ATAD2B: variants seen among roughly 807,000 people sequenced by gnomAD.
ATAD2B encodes ATPase family AAA domain containing 2B.
Under a neutral mutation model 167.6 loss-of-function variants are expected in ATAD2B, and 40 were observed. That is an observed-to-expected ratio of 0.24 (90% CI 0.19 to 0.31). The LOEUF (loss-of-function observed/expected upper bound fraction) is 0.31, where lower values mean the gene tolerates loss of function less well. ATAD2B is among the 10% of genes least tolerant of loss of function. ATAD2B has a pLI of 1.00. For missense variants in ATAD2B, 1,242 were observed against 1,757.2 expected (o/e 0.71, Z 5.24); for synonymous variants, 579 against 596.5 (o/e 0.97, Z 0.43).
intron 19 of ATAD2B, among the ~76,000 whole-genome samples, chr2:23,791,849 C>T (rs1681784742): frequency 6.6e-6 from 1 of 152,128 alleles, no homozygotes; most frequent in South Asian, 2.1e-4. Flanking sequence ...CATGGGTGTG[C>T]AAATACCTGT....
intron 3 of ATAD2B, 89 bp downstream of exon 3, chr2:23,888,261 A>G (rs889267051): frequency 2.2e-6 from 2 of 926,650 alleles, no homozygotes; most frequent in Non-Finnish European, 1.7e-6. Context: ...TCAGCACACT[A>G]TTAAATCACT....
intron 1 of ATAD2B, among the ~76,000 whole-genome samples, chr2:23,925,471 C>T (rs908781728): frequency 7.9e-5 from 12 of 152,132 alleles, no homozygotes; most frequent in African/African-American, 2.9e-4. Context: ...ATATTGCTTT[C>T]CCCCAATAAG....
chr2:23,680,641 C>T, the ATAD2B span, among the ~76,000 whole-genome samples: 3 of 151,988 alleles, frequency 2.0e-5, no homozygotes, highest in African/African-American at 4.8e-5. This position sits in a 1 kb window ranked among gnomAD's most constrained non-coding sequence, Gnocchi z 4.1. Flanking sequence ...GCCATCTTCT[C>T]CTGGGGTCTC....
intron 12 of ATAD2B, among the ~76,000 whole-genome samples, chr2:23,860,530 TTACTCAAA>T (rs1341286236): frequency 6.6e-6 from 1 of 152,202 alleles, no homozygotes; most frequent in African/African-American, 2.4e-5. Context: ...ATCATATAAT[TTACTCAAA>T]TTTATGTAGC....
chr2:23,903,517 A>T (rs1201867763), intron 1 of ATAD2B, among the ~76,000 whole-genome samples: 1 of 152,192 alleles, frequency 6.6e-6, no homozygotes, highest in Non-Finnish European at 1.5e-5. Flanking sequence ...TCTCTCCTTG[A>T]CTTTTACAGT....
the ATAD2B span, among the ~76,000 whole-genome samples, chr2:23,713,640 C>T: frequency 6.6e-6 from 1 of 152,110 alleles, no homozygotes; most frequent in African/African-American, 2.4e-5. Flanking sequence ...CTATTGCGAA[C>T]GTTTCATAAA....
rs1704848953 is a variant in ATAD2B at position 23,926,484 on chromosome 2, C to T, written c.216+71G>A. 5 of 1,502,544 alleles carry T rather than the reference C, an allele frequency of 3.3e-6. No individual in the cohort carries two copies. In the South Asian group the frequency reaches 6.4e-5, roughly 19 times the overall value. 93.1% of individuals were successfully genotyped at this position (1,502,544 alleles called of 1,614,324 possible). On this transcript the variant is annotated intron_variant, in intron 1 of 27. Coordinates refer to ENST00000238789, the MANE Select transcript of ATAD2B (RefSeq NM_017552.4). ...CCACTGTAGGCTTCCTACCCCCAAC[C>T]CGGCCAGACAAAGCCCCGGCAGCAG... is the stretch of plus-strand genomic sequence containing the variant.
chr2:23,839,053 A>G (rs544515832), intron 13 of ATAD2B, among the ~76,000 whole-genome samples: 5 of 152,198 alleles, frequency 3.3e-5, no homozygotes, highest in Non-Finnish European at 5.9e-5. Context: ...GATTGCAAAC[A>G]GTAACTTTTC....
intron 18 of ATAD2B, among the ~76,000 whole-genome samples, chr2:23,801,980 T>C (rs1683578460): frequency 6.6e-6 from 1 of 152,026 alleles, no homozygotes; most frequent in African/African-American, 2.4e-5. Context: ...CCATTTCCTT[T>C]AGAAATTGAA....
rs556553180 is a variant in ATAD2B at position 23,915,498 on chromosome 2, T to C, written c.216+11057A>G. Reference sequence around the variant, plus strand: ...AAAAAAAAAGCGTATTGCTATATTGTCCAGGCTGGACTCAAGCCATCCTTC... The same window carrying C: ...AAAAAAAAAGCGTATTGCTATATTGCCCAGGCTGGACTCAAGCCATCCTTC... On this transcript the variant is annotated intron_variant, in intron 1 of 27. Coordinates refer to ENST00000238789, the MANE Select transcript of ATAD2B (RefSeq NM_017552.4). 1.2e-4 allele frequency among the ~76,000 whole-genome samples: 18 copies of C among 150,474 alleles called. No homozygotes were observed. In the East Asian group the frequency reaches 3.5e-3, roughly 29 times the overall value.
chr2:23,703,480 C>G, the ATAD2B span: 67,801 of 1,138,136 alleles, frequency 0.06, 2,386 homozygotes, highest in Non-Finnish European at 0.067. Flanking sequence ...AGCCCAACAG[C>G]TCTGCAGACC....
At chr2:23,719,525 A>G in the ATAD2B span, among the ~76,000 whole-genome samples, 1 of 152,164 alleles carries the variant, frequency 6.6e-6, no homozygotes, top group Non-Finnish European at 1.5e-5. Flanking sequence ...AATATCCCAG[A>G]ACTCATATAT....
intron 20 of ATAD2B, among the ~76,000 whole-genome samples, chr2:23,787,383 A>C (rs1304063216): frequency 6.6e-6 from 1 of 152,094 alleles, no homozygotes; most frequent in Admixed American, 6.6e-5. Flanking sequence ...ATGAGATTAA[A>C]ATATATCTAG....
At chr2:23,908,511 A>G (rs555104410) in intron 1 of ATAD2B, among the ~76,000 whole-genome samples, 86 of 152,266 alleles carry the variant, frequency 5.6e-4, no homozygotes, top group African/African-American at 2.1e-3. Context: ...GGATGTGGAG[A>G]AATAGGAACA....
intron 2 of ATAD2B, 97 bp downstream of exon 2, chr2:23,895,722 T>C: frequency 1.2e-6 from 1 of 807,882 alleles, no homozygotes; most frequent in African/African-American, 1.8e-5. Context: ...ATTTACAAGA[T>C]ACTTATTTTA....
At chr2:23,816,359 A>G (rs1359591950) in intron 17 of ATAD2B, among the ~76,000 whole-genome samples, 6 of 152,186 alleles carry the variant, frequency 3.9e-5, no homozygotes, top group Non-Finnish European at 8.8e-5. Flanking sequence ...AAACAAGTCT[A>G]TTGTTCATAA....
At chr2:23,681,946 C>T in the ATAD2B span, among the ~76,000 whole-genome samples, 4 of 152,146 alleles carry the variant, frequency 2.6e-5, no homozygotes, top group East Asian at 1.9e-4. This position sits in a 1 kb window ranked among gnomAD's most constrained non-coding sequence, Gnocchi z 4.2. Context: ...GCGCAGGCGC[C>T]GCTGGGCTCT....
intron 12 of ATAD2B, among the ~76,000 whole-genome samples, chr2:23,859,335 G>A (rs755130634): frequency 6.6e-6 from 1 of 151,742 alleles, no homozygotes; most frequent in Non-Finnish European, 1.5e-5. Flanking sequence ...TTTGAGACAA[G>A]GTCTCACTCT....
At chr2:23,710,426 G>A in the ATAD2B span, among the ~76,000 whole-genome samples, 2 of 152,184 alleles carry the variant, frequency 1.3e-5, no homozygotes, top group African/African-American at 2.4e-5. Flanking sequence ...GTGGGGAGAG[G>A]GACTCCAACT....
Sources: allele counts gnomAD v4.1 joint callset (sites outside exome capture counted in the v4.1 genomes callset), GRCh38; gene constraint gnomAD v4.1.1; non-coding constraint Gnocchi (gnomAD v3.1); transcripts MANE v1.5; gene names NCBI Gene and HGNC (gene_info 2026-07-23, HGNC 2026-07-21).